Variants in SORCS1 observed in about 807,000 individuals in gnomAD.
SORCS1 encodes VPS10 domain-containing receptor SorCS1.
SORCS1 carries 60 observed loss-of-function variants against 146.1 expected under a neutral mutation model. The observed-to-expected ratio is 0.41, with a 90% CI of 0.33 to 0.51. The LOEUF (loss-of-function observed/expected upper bound fraction) is 0.51. Among genes scored for constraint, SORCS1 ranks in the 20% least tolerant of loss-of-function variants. The probability of loss-of-function intolerance (pLI) is 0.21; values close to 1 mark genes in which losing one functional copy is unlikely to be tolerated. For synonymous variants in SORCS1, 637 were observed against 584.0 expected, an observed-to-expected ratio of 1.09 and a Z score of -1.31; for missense variants, 1,352 against 1,487.6, an observed-to-expected ratio of 0.91 and a Z score of 1.50.
At chr10:106,723,641 CT>C (rs1482780182) in intron 6 of SORCS1, among the ~76,000 whole-genome samples, 2 of 152,194 alleles carry the variant, frequency 1.3e-5, no homozygotes, top group African/African-American at 4.8e-5. Context: ...CAGATGTAAA[CT>C]ACAAGATATC....
At chr10:106,683,234 C>T (rs139555232) in intron 10 of SORCS1, among the ~76,000 whole-genome samples, 208 of 152,324 alleles carry the variant, frequency 1.4e-3, no homozygotes, top group African/African-American at 4.6e-3. Flanking sequence ...CAATAAATGT[C>T]TGCTGAATTT....
intron 1 of SORCS1, among the ~76,000 whole-genome samples, chr10:107,019,894 C>A (rs902773675): frequency 2.0e-5 from 3 of 152,224 alleles, no homozygotes; most frequent in South Asian, 2.1e-4. Flanking sequence ...AATGCCAGAG[C>A]AAGAGCTGCA....
intron 18 of SORCS1, among the ~76,000 whole-genome samples, chr10:106,647,711 G>A (rs1849551906): frequency 6.6e-6 from 1 of 152,154 alleles, no homozygotes; most frequent in Non-Finnish European, 1.5e-5. Context: ...ACACATTAAT[G>A]TGAAACCTAA....
At chr10:106,797,335 T>C (rs1416159201) in intron 3 of SORCS1, among the ~76,000 whole-genome samples, 7 of 152,166 alleles carry the variant, frequency 4.6e-5, no homozygotes, top group Non-Finnish European at 7.3e-5. Context: ...ATACAATTTT[T>C]TTTTTCAAAT....
At chr10:107,112,780 A>G (rs1965779099) in intron 1 of SORCS1, among the ~76,000 whole-genome samples, 1 of 152,210 alleles carries the variant, frequency 6.6e-6, no homozygotes, top group African/African-American at 2.4e-5. Context: ...CTGTTAGAAG[A>G]GACAAAAAAG....
At chr10:106,821,514 TCA>T (rs1948022524) in intron 3 of SORCS1, among the ~76,000 whole-genome samples, 2 of 152,214 alleles carry the variant, frequency 1.3e-5, no homozygotes, top group Admixed American at 1.3e-4. Flanking sequence ...AGTCACCAAT[TCA>T]TGATTAATAT....
chr10:107,076,466 C>T (rs766692801), intron 1 of SORCS1, among the ~76,000 whole-genome samples: 8 of 152,088 alleles, frequency 5.3e-5, no homozygotes, highest in African/African-American at 1.4e-4. Context: ...AATACACCAG[C>T]GAGCACAAAA....
chr10:106,924,931 T>C (rs1023367484), intron 2 of SORCS1, among the ~76,000 whole-genome samples: 8 of 152,192 alleles, frequency 5.3e-5, no homozygotes, highest in African/African-American at 1.4e-4. Flanking sequence ...TTCTGATCTA[T>C]GCAAACTGAC....
At chr10:106,749,016 A>G (rs1284070861) in intron 5 of SORCS1, among the ~76,000 whole-genome samples, 1 of 152,202 alleles carries the variant, frequency 6.6e-6, no homozygotes, top group Non-Finnish European at 1.5e-5. Context: ...CCATCATGCT[A>G]GGTAGAAGCA....
At chr10:107,080,713 A>AT (rs912210745) in intron 1 of SORCS1, among the ~76,000 whole-genome samples, 3 of 152,204 alleles carry the variant, frequency 2.0e-5, no homozygotes, top group African/African-American at 7.2e-5. Context: ...TCAAAAAGCA[A>AT]TTTTTAACAA....
intron 19 of SORCS1, among the ~76,000 whole-genome samples, chr10:106,624,326 T>C (rs1452570164): frequency 5.3e-5 from 8 of 149,728 alleles, no homozygotes; most frequent in Admixed American, 6.7e-5. Context: ...TTTCACATAA[T>C]CACGTTTTGG....
chr10:106,654,741 G>T (rs1449215244), intron 17 of SORCS1, among the ~76,000 whole-genome samples: 3 of 152,158 alleles, frequency 2.0e-5, no homozygotes, highest in African/African-American at 4.8e-5. Flanking sequence ...GAAACTTATG[G>T]GTTAACACCT....
chr10:106,700,994 C>T (rs1250658671), intron 8 of SORCS1, among the ~76,000 whole-genome samples: 1 of 152,130 alleles, frequency 6.6e-6, no homozygotes, highest in East Asian at 1.9e-4. Context: ...GGATTGGTTC[C>T]ACAATTGCCC....
chr10:107,019,203 C>T (rs1274381943), intron 1 of SORCS1, among the ~76,000 whole-genome samples: 1 of 151,946 alleles, frequency 6.6e-6, no homozygotes, highest in Non-Finnish European at 1.5e-5. Flanking sequence ...TTATATATGG[C>T]CTGTATTTTT....
intron 16 of SORCS1, 129 bp from the exon 17 acceptor site, chr10:106,667,931 A>C: frequency 3.2e-6 from 2 of 623,790 alleles, no homozygotes; most frequent in Non-Finnish European, 5.6e-6. Flanking sequence ...AAACAAAAAA[A>C]AAAAACACAA....
At chr10:106,817,574 T>C (rs1947803736) in intron 3 of SORCS1, among the ~76,000 whole-genome samples, 1 of 152,210 alleles carries the variant, frequency 6.6e-6, no homozygotes, top group Non-Finnish European at 1.5e-5. Flanking sequence ...ATTCTCTACA[T>C]CAAGAATTTA....
intron 17 of SORCS1, among the ~76,000 whole-genome samples, chr10:106,664,806 C>A (rs1006837161): frequency 2.0e-5 from 3 of 151,996 alleles, no homozygotes; most frequent in Non-Finnish European, 4.4e-5. Context: ...ACTTCCTTGA[C>A]TGATTGAGCT....
chr10:107,171,941 C>T, the SORCS1 span, among the ~76,000 whole-genome samples: 1 of 152,198 alleles, frequency 6.6e-6, no homozygotes, highest in Non-Finnish European at 1.5e-5. Flanking sequence ...AGGATCCACT[C>T]AACTACCTGC....
chr10:106,578,600 C>G, intron 25 of SORCS1: 5 of 944,866 alleles, frequency 5.3e-6, no homozygotes, highest in Non-Finnish European at 6.3e-6. Flanking sequence ...GAGGATCAGG[C>G]TGGCCACTCT....
Sources: allele counts gnomAD v4.1 joint callset (sites outside exome capture counted in the v4.1 genomes callset), GRCh38; gene constraint gnomAD v4.1.1; transcripts MANE v1.5; gene names NCBI Gene and HGNC (gene_info 2026-07-23, HGNC 2026-07-21).